The following FRMD4A variants were observed in gnomAD, a reference collection of about 807,000 sequenced individuals.
FRMD4A encodes the protein FERM domain-containing protein 4A.
Under a neutral mutation model 129.1 loss-of-function variants are expected in FRMD4A, and 29 were observed. That is an observed-to-expected ratio of 0.22 (90% CI 0.17 to 0.31). The LOEUF (loss-of-function observed/expected upper bound fraction) is 0.31. FRMD4A is among the 10% of genes least tolerant of loss of function. The pLI is 1.00. For missense variants in FRMD4A, 1,272 were observed against 1,375.8 expected (o/e 0.92, Z 1.19); for synonymous variants, 634 against 571.6 (o/e 1.11, Z -1.56).
intron 15 of FRMD4A, among the ~76,000 whole-genome samples, chr10:13,689,330 C>G (rs1359664706): frequency 6.6e-6 from 1 of 150,724 alleles, no homozygotes; most frequent in African/African-American, 2.4e-5. Context: ...CTCAGACACA[C>G]CATGATTTGG....
intron 2 of FRMD4A, among the ~76,000 whole-genome samples, chr10:14,052,006 C>T (rs2131687785): frequency 6.6e-6 from 1 of 152,300 alleles, no homozygotes; most frequent in Admixed American, 6.5e-5. Flanking sequence ...AGGGTAAGCC[C>T]TTAATGCAGT....
chr10:13,872,307 C>A (rs1054504384), intron 2 of FRMD4A, among the ~76,000 whole-genome samples: 1 of 152,202 alleles, frequency 6.6e-6, no homozygotes, highest in African/African-American at 2.4e-5. Flanking sequence ...AAGTGCCAGG[C>A]CTTCACAAAA....
At chr10:14,050,933 A>T (rs539846009) in intron 2 of FRMD4A, among the ~76,000 whole-genome samples, 2 of 152,346 alleles carry the variant, frequency 1.3e-5, no homozygotes, top group East Asian at 3.9e-4. Flanking sequence ...TCATTCTAGC[A>T]AATGACTGAA....
At chr10:13,725,076 C>A (rs1233094550) in intron 12 of FRMD4A, among the ~76,000 whole-genome samples, 1 of 152,068 alleles carries the variant, frequency 6.6e-6, no homozygotes, top group African/African-American at 2.4e-5. Context: ...ATTCATGACT[C>A]CCCTCTGGCT....
intron 2 of FRMD4A, among the ~76,000 whole-genome samples, chr10:14,183,460 A>G (rs1160053997): frequency 6.6e-6 from 1 of 152,152 alleles, no homozygotes; most frequent in African/African-American, 2.4e-5. Flanking sequence ...TATGTTTACA[A>G]TGTGACCTTT....
intron 2 of FRMD4A, among the ~76,000 whole-genome samples, chr10:14,051,851 C>G (rs1834276739): frequency 6.6e-6 from 1 of 152,220 alleles, no homozygotes; most frequent in South Asian, 2.1e-4. Context: ...GCTGAGAGAT[C>G]CACGGCATTG....
At chr10:13,691,280 G>A (rs190183043) in intron 15 of FRMD4A, among the ~76,000 whole-genome samples, 2 of 152,268 alleles carry the variant, frequency 1.3e-5, no homozygotes, top group Admixed American at 1.3e-4. Context: ...GAGCCACTGC[G>A]CCCGGCCAGA....
chr10:13,915,612 C>A (rs2094992835), intron 2 of FRMD4A, among the ~76,000 whole-genome samples: 1 of 149,824 alleles, frequency 6.7e-6, no homozygotes, highest in Non-Finnish European at 1.5e-5. Context: ...GCGGAGCTTG[C>A]AGTGAGCCGA....
chr10:14,152,948 C>T (rs1840415431), intron 2 of FRMD4A, among the ~76,000 whole-genome samples: 1 of 152,102 alleles, frequency 6.6e-6, no homozygotes, highest in South Asian at 2.1e-4. Context: ...TGGCAGAGCC[C>T]CAGGAAGGAG....
intron 14 of FRMD4A, among the ~76,000 whole-genome samples, chr10:13,696,372 C>A (rs555030774): frequency 6.6e-6 from 1 of 152,148 alleles, no homozygotes; most frequent in Admixed American, 6.5e-5. Flanking sequence ...CACTCCCAAA[C>A]GGTGATGTAA....
chr10:14,227,229 C>G (rs905178955), intron 2 of FRMD4A, among the ~76,000 whole-genome samples: 4 of 141,492 alleles, frequency 2.8e-5, no homozygotes, highest in African/African-American at 1.1e-4. Flanking sequence ...CCTCCTCCTC[C>G]TTCTCTTCTT....
At chr10:13,796,828 C>CT (rs1192847543) in intron 4 of FRMD4A, among the ~76,000 whole-genome samples, 1 of 151,968 alleles carries the variant, frequency 6.6e-6, no homozygotes, top group African/African-American at 2.4e-5. Flanking sequence ...TTAAGCGATT[C>CT]CCTGCCTCAG....
chr10:14,035,709 T>C (rs190460459), intron 2 of FRMD4A, among the ~76,000 whole-genome samples: 2 of 152,276 alleles, frequency 1.3e-5, no homozygotes, highest in African/African-American at 4.8e-5. Flanking sequence ...GCTGTATTTT[T>C]ATCTCTAGTT....
intron 2 of FRMD4A, among the ~76,000 whole-genome samples, chr10:14,003,296 G>A (rs1479064156): frequency 6.6e-6 from 1 of 152,130 alleles, no homozygotes; most frequent in Admixed American, 6.5e-5. Flanking sequence ...AGACGCCAGG[G>A]TCTAGTTTGG....
intron 2 of FRMD4A, among the ~76,000 whole-genome samples, chr10:13,957,053 G>T (rs770731048): frequency 6.6e-6 from 1 of 152,194 alleles, no homozygotes; most frequent in Non-Finnish European, 1.5e-5. Context: ...GTCGTGAAAG[G>T]CGTCAGTGGC....
intron 2 of FRMD4A, among the ~76,000 whole-genome samples, chr10:14,150,358 C>T (rs1047430994): frequency 1.3e-5 from 2 of 152,180 alleles, no homozygotes; most frequent in African/African-American, 4.8e-5. Flanking sequence ...TAAGTAGTAT[C>T]GGCTTCATTC....
chr10:14,098,552 T>C (rs1359599599), intron 2 of FRMD4A, among the ~76,000 whole-genome samples: 1 of 152,254 alleles, frequency 6.6e-6, no homozygotes, highest in Non-Finnish European at 1.5e-5. Flanking sequence ...TGCAGGTGCC[T>C]GCCAGCATGC....
intron 6 of FRMD4A, among the ~76,000 whole-genome samples, chr10:13,769,648 C>T (rs534767622): frequency 2.0e-4 from 30 of 152,154 alleles, no homozygotes; most frequent in African/African-American, 6.5e-4. Context: ...GATGTGTCTA[C>T]GAGGGTGTTT....
chr10:14,098,560 T>G (rs991598929), intron 2 of FRMD4A, among the ~76,000 whole-genome samples: 1 of 152,158 alleles, frequency 6.6e-6, no homozygotes, highest in Non-Finnish European at 1.5e-5. Flanking sequence ...CCTGCCAGCA[T>G]GCCCGGCTAA....
Sources: allele counts gnomAD v4.1 joint callset (sites outside exome capture counted in the v4.1 genomes callset), GRCh38; gene constraint gnomAD v4.1.1; transcripts MANE v1.5; gene names NCBI Gene and HGNC (gene_info 2026-07-23, HGNC 2026-07-21).